Variants in NFIB observed in about 807,000 individuals in gnomAD.
NFIB encodes nuclear factor I B.
Under a neutral mutation model 61.5 loss-of-function variants are expected in NFIB, and 11 were observed. The observed-to-expected ratio is 0.18, with a 90% confidence interval of 0.11 to 0.30. The LOEUF is 0.30. Ranked by LOEUF, NFIB falls within the 10% of genes least tolerant of loss-of-function variation. The probability of loss-of-function intolerance (pLI) is 1.00; values close to 1 mark genes in which losing one functional copy is unlikely to be tolerated. For missense variants in NFIB, 471 were observed against 608.9 expected, an observed-to-expected ratio of 0.77 and a Z score of 2.38; for synonymous variants, 260 against 216.5, an observed-to-expected ratio of 1.20 and a Z score of -1.76.
chr9:14,276,352 G>A (rs1295139631), intron 2 of NFIB, among the ~76,000 whole-genome samples: 1 of 152,118 alleles, frequency 6.6e-6, no homozygotes, highest in Non-Finnish European at 1.5e-5. Context: ...TTAAACAAAA[G>A]ATAAAGGTGC....
the NFIB span, among the ~76,000 whole-genome samples, chr9:14,494,379 A>G: frequency 6.6e-6 from 1 of 152,094 alleles, no homozygotes; most frequent in Non-Finnish European, 1.5e-5. Flanking sequence ...TTGGTTCTCT[A>G]TTGTACTGTA....
chr9:14,269,981 G>A (rs1474760252), intron 2 of NFIB, among the ~76,000 whole-genome samples: 1 of 152,090 alleles, frequency 6.6e-6, no homozygotes, highest in Non-Finnish European at 1.5e-5. Context: ...TATTTTGGAA[G>A]GGCAAATTCA....
At chr9:14,146,665 T>C in intron 6 of NFIB, 24 bp downstream of exon 6, 1 of 1,612,880 alleles carries the variant, frequency 6.2e-7, no homozygotes, top group East Asian at 2.2e-5. Flanking sequence ...TCATGGTCTC[T>C]AGAGGCATCT....
chr9:14,429,844 T>G, the NFIB span, among the ~76,000 whole-genome samples: 1 of 152,208 alleles, frequency 6.6e-6, no homozygotes, highest in African/African-American at 2.4e-5. Context: ...TGTAATAAAT[T>G]ATTTTCTATG....
chr9:14,433,828 A>C, the NFIB span, among the ~76,000 whole-genome samples: 11 of 152,274 alleles, frequency 7.2e-5, no homozygotes, highest in African/African-American at 2.6e-4. Context: ...AAATATTCAT[A>C]ATGCTTTCTG....
the NFIB span, among the ~76,000 whole-genome samples, chr9:14,470,006 C>T: frequency 5.3e-5 from 8 of 152,156 alleles, no homozygotes; most frequent in Non-Finnish European, 1.0e-4. Context: ...GAGATTCACA[C>T]GGGGATGCAA....
intron 2 of NFIB, among the ~76,000 whole-genome samples, chr9:14,235,576 A>G (rs1176089964): frequency 6.6e-6 from 1 of 152,240 alleles, no homozygotes; most frequent in Non-Finnish European, 1.5e-5. Flanking sequence ...CCTAAGTCCA[A>G]GAATTACGAA....
chr9:14,182,552 T>C (rs889252822), intron 2 of NFIB, among the ~76,000 whole-genome samples: 2 of 152,164 alleles, frequency 1.3e-5, no homozygotes, highest in East Asian at 1.9e-4. Context: ...TGAACTGTTA[T>C]TGTGGTTGAC....
intron 3 of NFIB, among the ~76,000 whole-genome samples, chr9:14,156,750 G>C (rs979776945): frequency 6.6e-6 from 1 of 152,196 alleles, no homozygotes; most frequent in South Asian, 2.1e-4. Flanking sequence ...GGGGTGTAAT[G>C]AGTGTGAGGA....
chr9:14,199,027 C>T (rs1450597080), intron 2 of NFIB, among the ~76,000 whole-genome samples: 1 of 152,198 alleles, frequency 6.6e-6, no homozygotes. Flanking sequence ...CTACTCAAAA[C>T]ATCACACCCT....
the NFIB span, among the ~76,000 whole-genome samples, chr9:14,485,624 C>T: frequency 1.3e-5 from 2 of 152,070 alleles, no homozygotes; most frequent in East Asian, 1.9e-4. Context: ...CCTGTAATCC[C>T]AGCACTTTGA....
chr9:14,504,880 T>A, the NFIB span, among the ~76,000 whole-genome samples: 5 of 152,154 alleles, frequency 3.3e-5, no homozygotes, highest in African/African-American at 1.2e-4. Flanking sequence ...TGAATAGAAG[T>A]GGTGAAAGTG....
At chr9:14,495,355 C>G in the NFIB span, among the ~76,000 whole-genome samples, 1 of 151,480 alleles carries the variant, frequency 6.6e-6, no homozygotes, top group African/African-American at 2.4e-5. Context: ...TGCAACATAT[C>G]TACGGGGATT....
intron 2 of NFIB, among the ~76,000 whole-genome samples, chr9:14,254,511 A>G (rs1563947854): frequency 6.6e-6 from 1 of 152,276 alleles, no homozygotes; most frequent in Middle Eastern, 3.4e-3. Context: ...GGAGACACGC[A>G]TCTTCAGGGA....
chr9:14,530,861 CG>C, the NFIB span, among the ~76,000 whole-genome samples: 9 of 142,162 alleles, frequency 6.3e-5, no homozygotes, highest in South Asian at 1.1e-3. Context: ...TCGAAGCAAA[CG>C]AGTAAAAGCA....
chr9:14,525,153 C>T, the NFIB span, among the ~76,000 whole-genome samples: 4 of 152,124 alleles, frequency 2.6e-5, no homozygotes, highest in Non-Finnish European at 5.9e-5. Context: ...AGCTCTGGAG[C>T]GAGTGTCCTG....
At chr9:14,229,448 G>T (rs544781210) in intron 2 of NFIB, among the ~76,000 whole-genome samples, 4 of 152,310 alleles carry the variant, frequency 2.6e-5, no homozygotes, top group African/African-American at 9.6e-5. Context: ...AAAGGCTGCA[G>T]AGTGTCAGCT....
At chr9:14,300,395 G>T (rs1263026599) in intron 2 of NFIB, among the ~76,000 whole-genome samples, 1 of 152,114 alleles carries the variant, frequency 6.6e-6, no homozygotes, top group South Asian at 2.1e-4. Flanking sequence ...CATTTGCTCC[G>T]CCATAGCACA....
chr9:14,237,871 G>A (rs924801488), intron 2 of NFIB, among the ~76,000 whole-genome samples: 2 of 148,676 alleles, frequency 1.3e-5, no homozygotes, highest in Admixed American at 1.4e-4. Context: ...GTGTGTGTGT[G>A]TGTGTGTGTG....
Sources: gnomAD v4.1 joint callset for allele counts (sites outside exome capture counted in the v4.1 genomes callset) on GRCh38, gnomAD v4.1.1 for gene constraint, MANE v1.5 for transcripts, NCBI Gene and HGNC (gene_info 2026-07-23, HGNC 2026-07-21) for gene names.